The following CTNNA3 variants were observed in gnomAD, a reference collection of about 807,000 sequenced individuals.
CTNNA3 encodes the protein catenin alpha-3.
In CTNNA3, 76 loss-of-function variants were observed where a neutral mutation model predicts 95.7. That is an observed-to-expected ratio of 0.79 (90% CI 0.66 to 0.96). The LOEUF (loss-of-function observed/expected upper bound fraction) is 0.96. Ranked by LOEUF, CTNNA3 falls within the 40% of genes least tolerant of loss-of-function variation. The pLI, the probability that CTNNA3 is intolerant of heterozygous loss-of-function variation, is 0.00. For synonymous variants in CTNNA3, 431 were observed against 374.4 expected (o/e 1.15, Z -1.74); for missense variants, 1,191 against 1,089.8 (o/e 1.09, Z -1.31).
intron 5 of CTNNA3, among the ~76,000 whole-genome samples, chr10:67,382,871 T>C (rs1844001029): frequency 6.6e-6 from 1 of 152,088 alleles, no homozygotes; most frequent in African/African-American, 2.4e-5. Flanking sequence ...AACAGTCAGA[T>C]TTCATGTGAA....
rs1408143479 is a variant in CTNNA3, at chr10:67,006,727, A to C, written c.1047+173590T>G. ...TTTTAATGGTGAAATATTTAAAATAAATATCTTTGAATGTTCAAATTCTGT... is the reference window on the plus strand; with the variant it reads ...TTTTAATGGTGAAATATTTAAAATACATATCTTTGAATGTTCAAATTCTGT... On this transcript the variant is annotated intron_variant, in intron 7 of 17. Coordinates refer to ENST00000433211, the MANE Select transcript of CTNNA3 (RefSeq NM_013266.4). 2.6e-5 allele frequency among the ~76,000 whole-genome samples: 4 copies of C among 152,212 alleles called. No individual in the cohort carries two copies. The East Asian group carries it at 7.7e-4, about 29-fold the overall frequency.
intron 7 of CTNNA3, among the ~76,000 whole-genome samples, chr10:66,855,346 G>C (rs886499551): frequency 6.6e-6 from 1 of 151,934 alleles, no homozygotes; most frequent in Non-Finnish European, 1.5e-5. Context: ...GATTCCCAAG[G>C]ATTTCTCAAG....
At chr10:67,204,222 G>A (rs769031959) in intron 6 of CTNNA3, among the ~76,000 whole-genome samples, 1 of 152,134 alleles carries the variant, frequency 6.6e-6, no homozygotes, top group Non-Finnish European at 1.5e-5. Context: ...ATGTCAAAAT[G>A]TAACCACTAA....
At chr10:67,304,893 A>G (rs1241689881) in intron 5 of CTNNA3, among the ~76,000 whole-genome samples, 2 of 152,074 alleles carry the variant, frequency 1.3e-5, no homozygotes, top group African/African-American at 2.4e-5. Context: ...TAAAGAGTAT[A>G]GTAAGTCAAG....
intron 5 of CTNNA3, among the ~76,000 whole-genome samples, chr10:67,390,314 A>G (rs1844408158): frequency 6.6e-6 from 1 of 152,254 alleles, no homozygotes; most frequent in Non-Finnish European, 1.5e-5. Flanking sequence ...GAAGAAATGG[A>G]TAAATTCCTC....
rs376371562 is a variant in CTNNA3 at position 67,691,049 on chromosome 10, G to A, written c.-6+4951C>T. ...TGCGATTGCAGGCGCGCGCCGCCAC[G>A]CCTGACTGGTTTTCGTATTTTTTTG... On this transcript the variant is annotated intron_variant, in intron 1 of 17. Transcript: ENST00000433211. 2.0e-4 allele frequency among the ~76,000 whole-genome samples: 30 copies of A among 152,316 alleles called. 1 individual carries two copies. The East Asian group carries it at 3.9e-3, about 20-fold the overall frequency.
chr10:67,719,786 G>A (rs1205341396), intron 1 of CTNNA3, among the ~76,000 whole-genome samples: 2 of 152,102 alleles, frequency 1.3e-5, no homozygotes, highest in Admixed American at 6.6e-5. Flanking sequence ...GTTGATTTGG[G>A]GTGGAGAGTT....
At position 66,474,634 on chromosome 10, in the gene CTNNA3, A is replaced by T. The variant is rs902064540; in HGVS notation, c.1531+45983T>A. 2.6e-5 allele frequency among the ~76,000 whole-genome samples: 4 copies of T among 152,070 alleles called. No homozygotes were observed. In the South Asian group the frequency reaches 8.3e-4, roughly 32 times the overall value. ...GAGAGACTTACATTCTGTTTTTCAT[A>T]ATGGCTGTACTAATTTAGATTCTGA... On this transcript the variant is annotated intron_variant, in intron 11 of 17. Coordinates refer to ENST00000433211, the MANE Select transcript of CTNNA3 (RefSeq NM_013266.4).
At chr10:67,040,898 A>ATT (rs1431784493) in intron 7 of CTNNA3, among the ~76,000 whole-genome samples, 1 of 152,166 alleles carries the variant, frequency 6.6e-6, no homozygotes, top group Non-Finnish European at 1.5e-5. Context: ...AAAGATAAAA[A>ATT]AGACCTTGAC....
chr10:67,568,235 T>TC (rs944120627), intron 3 of CTNNA3, among the ~76,000 whole-genome samples: 9 of 151,912 alleles, frequency 5.9e-5, no homozygotes, highest in African/African-American at 1.9e-4. Context: ...ACAGACTGTT[T>TC]TTTTTTTTGC....
At chr10:67,480,946 G>C (rs2133051898) in intron 5 of CTNNA3, among the ~76,000 whole-genome samples, 1 of 152,186 alleles carries the variant, frequency 6.6e-6, no homozygotes, top group African/African-American at 2.4e-5. Context: ...ACGCAACGTT[G>C]GTTCAACATA....
chr10:66,382,059 G>T (rs1385656233), intron 11 of CTNNA3, among the ~76,000 whole-genome samples: 2 of 152,088 alleles, frequency 1.3e-5, no homozygotes, highest in Non-Finnish European at 2.9e-5. Context: ...GAAGTACCTG[G>T]TTCATCTCAC....
intron 5 of CTNNA3, among the ~76,000 whole-genome samples, chr10:67,409,895 C>A (rs941005774): frequency 6.6e-6 from 1 of 152,068 alleles, no homozygotes; most frequent in Admixed American, 6.6e-5. Flanking sequence ...GGAACACTTA[C>A]ACACTGTTGG....
At chr10:67,246,133 A>T (rs1312564770) in intron 5 of CTNNA3, among the ~76,000 whole-genome samples, 1 of 152,246 alleles carries the variant, frequency 6.6e-6, no homozygotes, top group Non-Finnish European at 1.5e-5. Context: ...GGCAAGTTGT[A>T]TTTAAAATCC....
At position 66,291,372 on chromosome 10, in the gene CTNNA3, T is replaced by C. The variant is rs747263008; in HGVS notation, c.1733-10751A>G. 8.5e-5 allele frequency among the ~76,000 whole-genome samples: 13 copies of C among 152,172 alleles called. No homozygotes were observed. The East Asian group carries it at 9.6e-4, about 11-fold the overall frequency. On this transcript the variant is annotated intron_variant, in intron 12 of 17. Transcript: ENST00000433211. ...CCCACCCATGGAGTTCCTGGTTCAA[T>C]AGGTCTAAAGTGCTGCAGAAGAATC...
rs533536382 is a variant in CTNNA3 at position 66,620,822 on chromosome 10, A to C, written c.1374+870T>G. Among the ~76,000 whole-genome samples, 201 of 152,316 alleles carry C rather than the reference A, an allele frequency of 1.3e-3. 2 individuals are homozygous for C. The highest frequency in any genetic ancestry group is 4.7e-3 in the African/African-American group (197 of 41,576). On this transcript the variant is annotated intron_variant, in intron 10 of 17. Coordinates refer to ENST00000433211, the MANE Select transcript of CTNNA3 (RefSeq NM_013266.4). ...TGTCAGCAAGGCAAATCAATAATTT[A>C]ACACATGCCCTACTTTTTGTAGACT...
intron 7 of CTNNA3, among the ~76,000 whole-genome samples, chr10:67,043,608 C>A (rs577752460): frequency 1.3e-5 from 2 of 152,102 alleles, no homozygotes; most frequent in South Asian, 2.1e-4. Flanking sequence ...GTTCAGTCTG[C>A]CAGATCATTA....
chr10:66,308,407 T>C (rs903462503), intron 12 of CTNNA3, among the ~76,000 whole-genome samples: 10 of 152,164 alleles, frequency 6.6e-5, no homozygotes, highest in African/African-American at 2.4e-4. Context: ...TGTTTAAGAT[T>C]TGAAAATGGG....
At chr10:67,633,343 A>C (rs570328531) in intron 2 of CTNNA3, among the ~76,000 whole-genome samples, 3 of 152,288 alleles carry the variant, frequency 2.0e-5, no homozygotes, top group African/African-American at 7.2e-5. Flanking sequence ...CAGATGAAGA[A>C]GGATCCCTCA....
Sources: allele counts gnomAD v4.1 joint callset (sites outside exome capture counted in the v4.1 genomes callset), GRCh38; gene constraint gnomAD v4.1.1; transcripts MANE v1.5; gene names NCBI Gene and HGNC (gene_info 2026-07-23, HGNC 2026-07-21).